GRAMD1B: variants seen among roughly 807,000 people sequenced by gnomAD.
The protein encoded by GRAMD1B is GRAM domain containing 1B.
In GRAMD1B, 37 loss-of-function variants were observed where a neutral mutation model predicts 99.7. That is an observed-to-expected ratio of 0.37 (90% CI 0.29 to 0.49). The LOEUF is 0.49. GRAMD1B is among the 20% of genes least tolerant of loss of function. GRAMD1B has a pLI of 0.98. For synonymous variants in GRAMD1B, 427 were observed against 387.6 expected, an observed-to-expected ratio of 1.10 and a Z score of -1.19; for missense variants, 888 against 1,009.2, an observed-to-expected ratio of 0.88 and a Z score of 1.63.
intron 1 of GRAMD1B, among the ~76,000 whole-genome samples, chr11:123,375,858 C>G (rs560185264): frequency 6.6e-6 from 1 of 152,124 alleles, no homozygotes; most frequent in Non-Finnish European, 1.5e-5. Flanking sequence ...GTGTACTCAT[C>G]TATTTGGCCC....
chr11:123,380,361 T>C (rs1946831396), intron 1 of GRAMD1B, among the ~76,000 whole-genome samples: 1 of 152,234 alleles, frequency 6.6e-6, no homozygotes, highest in South Asian at 2.1e-4. Flanking sequence ...TTGTATGACA[T>C]TTAAAACTCA....
chr11:123,457,117 AAAAGAAAG>A (rs111505156), intron 1 of GRAMD1B, among the ~76,000 whole-genome samples: 1 of 99,436 alleles, frequency 1.0e-5, no homozygotes, highest in Non-Finnish European at 2.2e-5. Context: ...TTCTGAGAAA[AAAAGAAAG>A]AAAGAAAGAA....
chr11:123,451,967 G>A (rs79876829), intron 1 of GRAMD1B, among the ~76,000 whole-genome samples: 7,822 of 152,040 alleles, frequency 0.051, 270 homozygotes, highest in African/African-American at 0.08. Flanking sequence ...CTGAGTAGCC[G>A]GGACCACAGG....
At chr11:123,568,066 T>A (rs1328910206) in intron 2 of GRAMD1B, among the ~76,000 whole-genome samples, 3 of 152,170 alleles carry the variant, frequency 2.0e-5, no homozygotes, top group Admixed American at 2.0e-4. Context: ...ATGTTTTGGA[T>A]GGGCTGTCCC....
chr11:123,612,800 G>A lies in GRAMD1B; in HGVS notation c.1959G>A (p.Gly653=), dbSNP rs1414873178. The change falls in exon 15 of 20, where the codon GGG becomes GGA. Residue 653 remains glycine (G), a synonymous_variant. Transcript: ENST00000635736. ...TGCGCTATCGAAAACAGCCCTGGGG[G>A]TTAGTGAAAACGTTCATCGAGAAGA... ...TELRYRKQPW[G]LVKTFIEKNF... 1.2e-6 allele frequency: 2 copies of A among 1,612,046 alleles called. No individual in the cohort carries two copies. The highest frequency in any genetic ancestry group is 2.2e-5 in the East Asian group (1 of 44,858).
intron 1 of GRAMD1B, among the ~76,000 whole-genome samples, chr11:123,449,512 C>T (rs1949784576): frequency 6.6e-6 from 1 of 152,124 alleles, no homozygotes; most frequent in Non-Finnish European, 1.5e-5. Context: ...GTTTGTCTGT[C>T]TTTAACCTGT....
In GRAMD1B at chr11:123,399,392, C is replaced by T. The variant is rs753930489; in HGVS notation, c.-176+40593C>T. On this transcript the variant is annotated intron_variant, in intron 1 of 20. Transcript: ENST00000638157. ...CTATTGTGAATAGTGCTGCAATGAA[C>T]ATGGAAGTGCAGGCATCTCTTTGAG... Among the ~76,000 whole-genome samples the T allele has an allele frequency of 5.1e-4, 77 of 152,268 alleles. 1 individual carries two copies. Among genetic ancestry groups the T allele is most frequent in the Non-Finnish European group, 2.2e-4 (15 of 68,016 alleles).
chr11:123,549,713 C>G (rs948932468), intron 2 of GRAMD1B, among the ~76,000 whole-genome samples: 1 of 152,180 alleles, frequency 6.6e-6, no homozygotes, highest in African/African-American at 2.4e-5. Context: ...TGCTCATACT[C>G]TATGAATGCA....
chr11:123,501,577 A>T (rs1008933489), intron 2 of GRAMD1B, among the ~76,000 whole-genome samples: 2 of 152,184 alleles, frequency 1.3e-5, no homozygotes, highest in African/African-American at 4.8e-5. Flanking sequence ...CTTGAATCTC[A>T]TGGATCTTTT....
chr11:123,560,184 TGTGTGCGC>T (rs898238564), intron 2 of GRAMD1B: 64 of 883,810 alleles, frequency 7.2e-5, no homozygotes, highest in Middle Eastern at 5.5e-4. Flanking sequence ...CGTGTGTGCG[TGTGTGCGC>T]GTGTGCGTGT....
intron 1 of GRAMD1B, among the ~76,000 whole-genome samples, chr11:123,462,901 A>T (rs1299884201): frequency 4.9e-4 from 73 of 149,640 alleles, no homozygotes; most frequent in African/African-American, 1.6e-3. Context: ...TAAAAAAAAA[A>T]AAAAAAAAAA....
intron 1 of GRAMD1B, among the ~76,000 whole-genome samples, chr11:123,432,571 A>AT (rs1379953469): frequency 2.0e-4 from 31 of 151,508 alleles, no homozygotes; most frequent in African/African-American, 7.5e-4. Context: ...AAAAAAAAAA[A>AT]ATTGAAGACC....
chr11:123,369,002 G>C (rs370967113), intron 1 of GRAMD1B, among the ~76,000 whole-genome samples: 1 of 152,080 alleles, frequency 6.6e-6, no homozygotes, highest in Admixed American at 6.6e-5. Context: ...GTTTTCAAAA[G>C]CGGGAAATCA....
At chr11:123,555,215 G>A (rs116552729) in intron 2 of GRAMD1B, among the ~76,000 whole-genome samples, 1 of 152,214 alleles carries the variant, frequency 6.6e-6, no homozygotes, top group Non-Finnish European at 1.5e-5. Context: ...ACATGGATAC[G>A]TAGCCTGAGT....
At chr11:123,415,355 C>T (rs2135993063) in intron 1 of GRAMD1B, among the ~76,000 whole-genome samples, 1 of 152,210 alleles carries the variant, frequency 6.6e-6, no homozygotes, top group South Asian at 2.1e-4. Context: ...CCTGCCTCGG[C>T]CTCCCAAAGT....
chr11:123,561,540 C>A (rs541542698), intron 2 of GRAMD1B, among the ~76,000 whole-genome samples: 2 of 152,372 alleles, frequency 1.3e-5, no homozygotes, highest in South Asian at 4.1e-4. Flanking sequence ...TCCCCCACAC[C>A]TCCTTGCATT....
chr11:123,608,387 T>C (rs1010027150), intron 11 of GRAMD1B: 9 of 994,094 alleles, frequency 9.1e-6, no homozygotes, highest in Middle Eastern at 2.2e-4. Flanking sequence ...TTTGAAAGTG[T>C]AAAAGCAAAT....
chr11:123,616,252 G>T (rs1360682457), intron 17 of GRAMD1B, among the ~76,000 whole-genome samples: 3 of 152,348 alleles, frequency 2.0e-5, no homozygotes, highest in South Asian at 2.1e-4. Flanking sequence ...AACCCGGGAG[G>T]TAGAGCTTGC....
At chr11:123,522,659 A>G (rs971977400) in intron 2 of GRAMD1B, among the ~76,000 whole-genome samples, 1 of 152,018 alleles carries the variant, frequency 6.6e-6, no homozygotes, top group African/African-American at 2.4e-5. Context: ...ACCTGTCCCC[A>G]GGGCCCTGTG....
Sources: gnomAD v4.1 joint callset for allele counts (sites outside exome capture counted in the v4.1 genomes callset) on GRCh38, gnomAD v4.1.1 for gene constraint, MANE v1.5 for transcripts, NCBI Gene and HGNC (gene_info 2026-07-23, HGNC 2026-07-21) for gene names.